The following LPAR1 variants were observed in gnomAD, a reference collection of about 807,000 sequenced individuals.
The protein encoded by LPAR1 is LPA receptor 1.
Under a neutral mutation model 23.8 loss-of-function variants are expected in LPAR1, and 5 were observed. The ratio of observed to expected loss-of-function variants is 0.21; its 90% CI spans 0.11 to 0.44. The LOEUF is 0.44. Ranked by LOEUF, LPAR1 falls within the 20% of genes least tolerant of loss-of-function variation. The probability of loss-of-function intolerance (pLI) is 0.99; values close to 1 mark genes in which losing one functional copy is unlikely to be tolerated. For missense variants in LPAR1, 311 were observed against 482.8 expected (o/e 0.64, Z 3.33); for synonymous variants, 160 against 164.7 (o/e 0.97, Z 0.22).
intron 4 of LPAR1, among the ~76,000 whole-genome samples, chr9:110,970,548 GAATAAAGGGCTTTATTCATATGATA>G (rs2096384241): frequency 1.3e-5 from 2 of 151,062 alleles, no homozygotes; most frequent in Non-Finnish European, 2.9e-5. Flanking sequence ...CATATGATAT[GAATAAAGGGCTTTATTCATATGATA>G]AAATCCCAAG....
chr9:110,967,051 T>C (rs560389367), intron 4 of LPAR1, among the ~76,000 whole-genome samples: 1 of 152,302 alleles, frequency 6.6e-6, no homozygotes, highest in South Asian at 2.1e-4. Flanking sequence ...CTCAACCTAA[T>C]GATGAACAGG....
chr9:110,941,368 T>A lies in LPAR1; in HGVS notation c.793+53A>T. 1 of 1,496,084 alleles carries A rather than the reference T, an allele frequency of 6.7e-7. No homozygotes were observed. The allele number at this position is 1,496,084 out of a possible 1,614,324, so 92.7% of individuals were successfully genotyped here. ...ACCTCTGACATAAAATAATGTGGTT[T>A]ATGTTAGTCACTGAGAATCTATAAA... On this transcript the variant is annotated intron_variant, in intron 5 of 5. Transcript: ENST00000683809. The surrounding 1 kb of genome is among the most constrained non-coding windows in gnomAD (Gnocchi z 6.1).
At chr9:110,983,275 G>A (rs7020785) in intron 2 of LPAR1, among the ~76,000 whole-genome samples, 2,818 of 152,166 alleles carry the variant, frequency 0.019, 82 homozygotes, top group African/African-American at 0.064. Flanking sequence ...TTCAACAACA[G>A]ATGAACAGAC....
chr9:110,963,732 G>A (rs537633481), intron 4 of LPAR1, among the ~76,000 whole-genome samples: 5 of 152,022 alleles, frequency 3.3e-5, no homozygotes, highest in Non-Finnish European at 2.9e-5. Flanking sequence ...CATACGTCAG[G>A]TATCTATCAA....
chr9:110,944,286 A>G (rs2095294863), intron 4 of LPAR1, among the ~76,000 whole-genome samples: 1 of 152,072 alleles, frequency 6.6e-6, no homozygotes, highest in Non-Finnish European at 1.5e-5. Context: ...AGGCTATGAA[A>G]CCCTATAAAC....
intron 5 of LPAR1, among the ~76,000 whole-genome samples, chr9:110,902,162 A>C (rs1396781902): frequency 6.6e-6 from 1 of 152,102 alleles, no homozygotes; most frequent in African/African-American, 2.4e-5. Context: ...TCTCGTAGCC[A>C]GCCCAAATAG....
At chr9:111,025,228 T>A (rs1226270430) in intron 2 of LPAR1, among the ~76,000 whole-genome samples, 1 of 152,218 alleles carries the variant, frequency 6.6e-6, no homozygotes, top group Non-Finnish European at 1.5e-5. Context: ...CCTGACTTTT[T>A]AATGATTGCC....
chr9:110,940,680 T>C (rs925132288), intron 5 of LPAR1, among the ~76,000 whole-genome samples: 4 of 152,190 alleles, frequency 2.6e-5, no homozygotes, highest in Non-Finnish European at 5.9e-5. Flanking sequence ...GCACAGAGCG[T>C]AGAACATAGT....
chr9:110,995,161 G>T (rs2096972384), intron 2 of LPAR1, among the ~76,000 whole-genome samples: 1 of 152,098 alleles, frequency 6.6e-6, no homozygotes, highest in Admixed American at 6.6e-5. Context: ...AATTTCTTCT[G>T]CCTACCAGTG....
At chr9:110,960,977 T>C (rs538045285) in intron 4 of LPAR1, among the ~76,000 whole-genome samples, 1 of 152,310 alleles carries the variant, frequency 6.6e-6, no homozygotes, top group Admixed American at 6.5e-5. Flanking sequence ...TAACAATATA[T>C]TTCCTTATAA....
intron 2 of LPAR1, among the ~76,000 whole-genome samples, chr9:111,000,418 C>T (rs2097106317): frequency 6.6e-6 from 1 of 152,256 alleles, no homozygotes; most frequent in African/African-American, 2.4e-5. Flanking sequence ...GGGCATGGGG[C>T]CAGGGTTTTC....
At chr9:111,013,094 A>AT (rs1341920955) in intron 2 of LPAR1, among the ~76,000 whole-genome samples, 3 of 152,068 alleles carry the variant, frequency 2.0e-5, no homozygotes, top group African/African-American at 4.8e-5. Context: ...ACATTCAAGG[A>AT]TTTTTTTTAA....
intron 5 of LPAR1, among the ~76,000 whole-genome samples, chr9:110,918,098 T>G (rs116297454): frequency 0.023 from 3,491 of 152,152 alleles, 144 homozygotes; most frequent in African/African-American, 0.076. Flanking sequence ...TTGTTTGTTT[T>G]TTTGTAGAGA....
intron 5 of LPAR1, among the ~76,000 whole-genome samples, chr9:110,924,764 T>A (rs2093891677): frequency 1.3e-5 from 2 of 152,242 alleles, no homozygotes; most frequent in African/African-American, 2.4e-5. Context: ...AAACATCACC[T>A]GTATGTCAAC....
chr9:110,934,782 G>C (rs10980639), intron 5 of LPAR1, among the ~76,000 whole-genome samples: 28,375 of 151,798 alleles, frequency 0.19, 3,685 homozygotes, highest in East Asian at 0.6. Context: ...AGATTCCAGA[G>C]GTGCCCTGAC....
At chr9:110,900,747 A>G (rs2088577801) in intron 5 of LPAR1, among the ~76,000 whole-genome samples, 1 of 152,230 alleles carries the variant, frequency 6.6e-6, no homozygotes, top group South Asian at 2.1e-4. Flanking sequence ...CTGAAATTTA[A>G]GAATTCTATT....
chr9:111,020,016 G>A (rs1388212723), intron 2 of LPAR1, among the ~76,000 whole-genome samples: 2 of 152,044 alleles, frequency 1.3e-5, no homozygotes, highest in Non-Finnish European at 2.9e-5. Flanking sequence ...GCCTTTCCTT[G>A]GTGAATGTGT....
rs1477954551 is a variant in LPAR1 at position 110,875,362 on chromosome 9, A to AG, written c.*58dup. The AG allele has an allele frequency of 6.9e-7, 1 of 1,443,842 alleles. No individual in the cohort carries two copies. The highest frequency in any genetic ancestry group is 9.3e-7 in the Non-Finnish European group (1 of 1,070,420). 89.4% of individuals were successfully genotyped at this position (1,443,842 alleles called of 1,614,324 possible). On this transcript the variant is annotated 3_prime_UTR_variant, in exon 6 of 6. Transcript: ENST00000683809. Reference sequence around the variant, plus strand: ...CCCCACCTTGCCCTGGCAATTGGGTAGGGGGAGGCTGTTTATCCTCCAAGA... The same window carrying AG: ...CCCCACCTTGCCCTGGCAATTGGGTAGGGGGGAGGCTGTTTATCCTCCAAGA...
chr9:110,925,019 T>C (rs2093907374), intron 5 of LPAR1, among the ~76,000 whole-genome samples: 1 of 152,100 alleles, frequency 6.6e-6, no homozygotes, highest in Non-Finnish European at 1.5e-5. Flanking sequence ...CTGACTCCCA[T>C]TCTCCCTGTA....
Sources: allele counts gnomAD v4.1 joint callset (sites outside exome capture counted in the v4.1 genomes callset), GRCh38; gene constraint gnomAD v4.1.1; non-coding constraint Gnocchi (gnomAD v3.1); transcripts MANE v1.5; gene names NCBI Gene and HGNC (gene_info 2026-07-23, HGNC 2026-07-21).